The following CCDC91 variants were observed in gnomAD, a reference collection of about 807,000 sequenced individuals.
The protein encoded by CCDC91 is coiled-coil domain containing 91.
CCDC91 carries 48 observed loss-of-function variants against 63.2 expected under a neutral mutation model. That is an observed-to-expected ratio of 0.76 (90% confidence interval 0.60 to 0.97). The LOEUF (loss-of-function observed/expected upper bound fraction) is 0.97. Among genes scored for constraint, CCDC91 ranks in the 50% least tolerant of loss-of-function variants. CCDC91 has a pLI of 0.00. For missense variants in CCDC91, 500 were observed against 494.6 expected (o/e 1.01, Z -0.10); for synonymous variants, 167 against 165.8 (o/e 1.01, Z -0.06).
At chr12:28,458,454 C>CT (rs1566005675) in intron 11 of CCDC91, among the ~76,000 whole-genome samples, 1 of 71,482 alleles carries the variant, frequency 1.4e-5, no homozygotes, top group Admixed American at 1.7e-4. Flanking sequence ...CATTTGCACA[C>CT]CTTTTTTTTT....
intron 7 of CCDC91, among the ~76,000 whole-genome samples, chr12:28,385,430 A>G (rs1178808198): frequency 1.3e-5 from 2 of 152,156 alleles, no homozygotes. Context: ...TGCATTGGGT[A>G]TTATCAGTGA....
chr12:28,439,779 C>T (rs1949090914), intron 8 of CCDC91, among the ~76,000 whole-genome samples: 2 of 139,102 alleles, frequency 1.4e-5, no homozygotes, highest in South Asian at 2.2e-4. Flanking sequence ...CACAGAACCT[C>T]TATATTTATA....
At chr12:28,372,684 C>T (rs776470071) in intron 7 of CCDC91, among the ~76,000 whole-genome samples, 1 of 151,890 alleles carries the variant, frequency 6.6e-6, no homozygotes, top group Non-Finnish European at 1.5e-5. Context: ...GATTTTGTAA[C>T]CTGAGACTTT....
intron 6 of CCDC91, among the ~76,000 whole-genome samples, chr12:28,334,728 G>T (rs1301881976): frequency 8.5e-5 from 13 of 152,104 alleles, no homozygotes; most frequent in Non-Finnish European, 1.5e-5. Context: ...GAAATCCAAT[G>T]GGGCAGTATC....
intron 12 of CCDC91, among the ~76,000 whole-genome samples, chr12:28,548,345 C>T (rs1185822807): frequency 2.6e-5 from 4 of 152,114 alleles, no homozygotes; most frequent in Non-Finnish European, 5.9e-5. Context: ...TCTTGGCTCA[C>T]TGCAACCTCT....
At chr12:28,355,532 G>A (rs190991728) in intron 6 of CCDC91, among the ~76,000 whole-genome samples, 1 of 152,126 alleles carries the variant, frequency 6.6e-6, no homozygotes, top group Non-Finnish European at 1.5e-5. Flanking sequence ...CATCTTCAGG[G>A]TGATGAATTT....
At chr12:28,453,105 A>G (rs533916318) in intron 11 of CCDC91, among the ~76,000 whole-genome samples, 1 of 152,068 alleles carries the variant, frequency 6.6e-6, no homozygotes, top group African/African-American at 2.4e-5. Flanking sequence ...GTTGGTAACA[A>G]TAATTAATAA....
At chr12:28,269,917 C>T (rs1206074871) in intron 3 of CCDC91, among the ~76,000 whole-genome samples, 1 of 151,724 alleles carries the variant, frequency 6.6e-6, no homozygotes, top group Admixed American at 6.6e-5. Flanking sequence ...TTTTTTTAGT[C>T]CCAATTCTGA....
intron 1 of CCDC91, 101 bp downstream of exon 1, chr12:28,190,742 GC>G (rs67163711): frequency 0.21 from 31,322 of 152,226 alleles, 4,220 homozygotes; most frequent in Non-Finnish European, 0.31. Flanking sequence ...ACGAGCTTCC[GC>G]CGCCTGCAGC....
chr12:28,461,541 T>C lies in CCDC91; in HGVS notation c.1101+8887T>C, dbSNP rs564847448. ...ATTTAAAATACTTATATTGTTGTTT[T>C]ATAAGCTTATAACTTTGGTTAAGTA... On this transcript the variant is annotated intron_variant, in intron 11 of 12. Transcript: ENST00000536442. Among the ~76,000 whole-genome samples the C allele has an allele frequency of 6.6e-5, 10 of 152,198 alleles. No individual in the cohort carries two copies. The East Asian group carries it at 1.7e-3, about 26-fold the overall frequency.
At chr12:28,460,813 A>G (rs117873881) in intron 11 of CCDC91, among the ~76,000 whole-genome samples, 2,491 of 151,752 alleles carry the variant, frequency 0.016, 36 homozygotes, top group Non-Finnish European at 0.023. Context: ...GTGTGTGTGT[A>G]TATATATATT....
intron 12 of CCDC91, among the ~76,000 whole-genome samples, chr12:28,526,770 C>T (rs956476737): frequency 2.0e-5 from 3 of 151,884 alleles, no homozygotes; most frequent in African/African-American, 4.8e-5. Flanking sequence ...TTAACATAAT[C>T]CCAGACTTCT....
intron 8 of CCDC91, among the ~76,000 whole-genome samples, chr12:28,439,019 C>T (rs1402395868): frequency 1.3e-5 from 2 of 152,092 alleles, no homozygotes; most frequent in East Asian, 1.9e-4. Flanking sequence ...AAAATATAAA[C>T]CAGGCCTGCC....
intron 6 of CCDC91, among the ~76,000 whole-genome samples, chr12:28,320,671 G>GA (rs1285495410): frequency 2.6e-5 from 4 of 151,908 alleles, no homozygotes; most frequent in Non-Finnish European, 5.9e-5. Flanking sequence ...GTAAGTCATA[G>GA]AGTGTCTCAA....
intron 1 of CCDC91, among the ~76,000 whole-genome samples, chr12:28,231,797 G>T (rs544914755): frequency 6.6e-6 from 1 of 152,182 alleles, no homozygotes; most frequent in South Asian, 2.1e-4. Context: ...TTATATGAGT[G>T]GCTGGAGATA....
At chr12:28,342,975 A>T (rs1942542922) in intron 6 of CCDC91, among the ~76,000 whole-genome samples, 1 of 152,130 alleles carries the variant, frequency 6.6e-6, no homozygotes, top group African/African-American at 2.4e-5. Context: ...ATAGCCAGAT[A>T]ACCTTAGATA....
At chr12:28,536,030 A>G (rs1447665009) in intron 12 of CCDC91, among the ~76,000 whole-genome samples, 1 of 146,906 alleles carries the variant, frequency 6.8e-6, no homozygotes, top group East Asian at 2.0e-4. Context: ...CTCCATCTCA[A>G]AAAAAAAAAA....
At chr12:28,379,787 A>G (rs1279280369) in intron 7 of CCDC91, among the ~76,000 whole-genome samples, 1 of 152,232 alleles carries the variant, frequency 6.6e-6, no homozygotes, top group Non-Finnish European at 1.5e-5. Context: ...CATTTGACCT[A>G]GCAATCCCAT....
At chr12:28,351,941 C>A (rs753810550) in intron 6 of CCDC91, among the ~76,000 whole-genome samples, 3 of 152,160 alleles carry the variant, frequency 2.0e-5, no homozygotes, top group Non-Finnish European at 2.9e-5. Context: ...CTCCACAGAT[C>A]TTTTCTGGAT....
Sources: allele counts gnomAD v4.1 joint callset (sites outside exome capture counted in the v4.1 genomes callset), GRCh38; gene constraint gnomAD v4.1.1; transcripts MANE v1.5; gene names NCBI Gene and HGNC (gene_info 2026-07-23, HGNC 2026-07-21).